The following DIP2C variants were observed in gnomAD, a reference collection of about 807,000 sequenced individuals.
The protein encoded by DIP2C is disco-interacting protein 2 homolog C.
In DIP2C, 33 loss-of-function variants were observed where a neutral mutation model predicts 192.4. The ratio of observed to expected loss-of-function variants is 0.17; its 90% confidence interval spans 0.13 to 0.23. The LOEUF (loss-of-function observed/expected upper bound fraction) is 0.23, where lower values mean the gene tolerates loss of function less well. DIP2C is among the 10% of genes least tolerant of loss of function. DIP2C has a pLI of 1.00. For missense variants in DIP2C, 1,537 were observed against 2,110.1 expected (o/e 0.73, Z 5.32); for synonymous variants, 979 against 864.1 (o/e 1.13, Z -2.33).
Position 359,624 on chromosome 10 carries a change from G to A in DIP2C, c.2795-1687C>T, listed in dbSNP as rs61836778. Among the ~76,000 whole-genome samples, 721 of 152,284 alleles carry A rather than the reference G, an allele frequency of 4.7e-3. 2 individuals are homozygous for A. The highest frequency in any genetic ancestry group is 7.9e-3 in the Non-Finnish European group (536 of 68,026). ...TAGCAAAAGAATTTGTCAGGCTCTG[G>A]AAGGAAGGGAGCTGCCCCGTGGTGG... On this transcript the variant is annotated intron_variant, in intron 22 of 36. Transcript: ENST00000280886.
intron 22 of DIP2C, among the ~76,000 whole-genome samples, chr10:360,578 G>A (rs1358201114): frequency 1.3e-5 from 2 of 152,162 alleles, no homozygotes; most frequent in Non-Finnish European, 2.9e-5. Context: ...AATCCCAAGT[G>A]GGAGGCAAGC....
intron 1 of DIP2C, among the ~76,000 whole-genome samples, chr10:487,734 C>T (rs1844131009): frequency 6.6e-6 from 1 of 151,962 alleles, no homozygotes; most frequent in Admixed American, 6.6e-5. Context: ...CTGGCCACCA[C>T]GCCCGGCTAA....
At chr10:330,888 T>C (rs1237931484) in intron 29 of DIP2C, among the ~76,000 whole-genome samples, 4 of 150,656 alleles carry the variant, frequency 2.7e-5, no homozygotes, top group Non-Finnish European at 5.9e-5. Flanking sequence ...TCTGGGTTCA[T>C]TATAACCTCT....
chr10:648,331 C>G (rs750893158), intron 1 of DIP2C, among the ~76,000 whole-genome samples: 1 of 151,788 alleles, frequency 6.6e-6, no homozygotes, highest in South Asian at 2.1e-4. Flanking sequence ...GAGTCCACGT[C>G]CACATTGGAT....
chr10:392,042 C>T (rs774358735), intron 10 of DIP2C, among the ~76,000 whole-genome samples: 52 of 152,172 alleles, frequency 3.4e-4, no homozygotes, highest in East Asian at 1.9e-4. Context: ...AAGATCTGGC[C>T]GCCGGGAGCT....
At chr10:670,183 CG>C (rs1160930349) in intron 1 of DIP2C, among the ~76,000 whole-genome samples, 1 of 152,112 alleles carries the variant, frequency 6.6e-6, no homozygotes, top group Non-Finnish European at 1.5e-5. Flanking sequence ...AACATGTACA[CG>C]TGTGTACATG....
At chr10:466,646 A>G (rs538959306) in intron 3 of DIP2C, among the ~76,000 whole-genome samples, 11 of 148,246 alleles carry the variant, frequency 7.4e-5, no homozygotes, top group Non-Finnish European at 1.7e-4. Context: ...CTCATCTGAC[A>G]AAGGGCTAAT....
chr10:422,394 C>T (rs907721780), intron 5 of DIP2C, among the ~76,000 whole-genome samples: 1 of 152,298 alleles, frequency 6.6e-6, no homozygotes, highest in South Asian at 2.1e-4. Flanking sequence ...AGAACCTACA[C>T]AAAGCAGTGT....
At chr10:470,744 G>T (rs1402776394) in intron 3 of DIP2C, among the ~76,000 whole-genome samples, 1 of 152,190 alleles carries the variant, frequency 6.6e-6, no homozygotes, top group Non-Finnish European at 1.5e-5. Flanking sequence ...TAAGATGGCC[G>T]GCCAAAGATG....
intron 33 of DIP2C, among the ~76,000 whole-genome samples, chr10:287,554 A>C (rs1589391101): frequency 6.6e-6 from 1 of 152,010 alleles, no homozygotes; most frequent in East Asian, 1.9e-4. Flanking sequence ...GTTGGAACCA[A>C]CTCTGTGAAG....
At chr10:417,660 T>A (rs11252303) in intron 6 of DIP2C, among the ~76,000 whole-genome samples, 929 of 11,484 alleles carry the variant, frequency 0.081, 43 homozygotes, top group African/African-American at 0.12. Flanking sequence ...GTCCACCTGT[T>A]CCTGTCAGGG....
At chr10:527,814 T>A (rs1847143990) in intron 1 of DIP2C, among the ~76,000 whole-genome samples, 2 of 152,206 alleles carry the variant, frequency 1.3e-5, no homozygotes, top group Non-Finnish European at 2.9e-5. Flanking sequence ...AAGAACCAGG[T>A]ACCGCTGAAT....
At chr10:628,463 T>G (rs534935809) in intron 1 of DIP2C, among the ~76,000 whole-genome samples, 2 of 152,260 alleles carry the variant, frequency 1.3e-5, no homozygotes, top group Non-Finnish European at 2.9e-5. Flanking sequence ...AGACCTCTGT[T>G]GGCAACGGGC....
chr10:424,382 T>TTTTTTTG (rs1388302720), intron 4 of DIP2C, among the ~76,000 whole-genome samples: 1 of 101,362 alleles, frequency 9.9e-6, no homozygotes, highest in Middle Eastern at 6.0e-3. Flanking sequence ...TTTTTTTTTT[T>TTTTTTTG]TGAGACAGAG....
At chr10:518,936 T>C (rs1178575699) in intron 1 of DIP2C, among the ~76,000 whole-genome samples, 1 of 152,232 alleles carries the variant, frequency 6.6e-6, no homozygotes, top group Non-Finnish European at 1.5e-5. Context: ...CTTTGCCCAC[T>C]TCCATGGTGG....
At chr10:579,888 C>T (rs1372610660) in intron 1 of DIP2C, among the ~76,000 whole-genome samples, 1 of 151,500 alleles carries the variant, frequency 6.6e-6, no homozygotes, top group Non-Finnish European at 1.5e-5. Context: ...CATGTACATG[C>T]ATCTAGCACA....
intron 1 of DIP2C, among the ~76,000 whole-genome samples, chr10:685,137 A>C (rs1257723359): frequency 1.1e-4 from 4 of 37,244 alleles, no homozygotes; most frequent in African/African-American, 4.6e-4. Flanking sequence ...TTGGTCCCCA[A>C]AAAAAAAAAA....
rs987703143 is a variant in DIP2C at position 284,026 on chromosome 10, T to A, written c.4120-580A>T. 3.3e-5 allele frequency among the ~76,000 whole-genome samples: 5 copies of A among 152,182 alleles called. No individual in the cohort carries two copies. The East Asian group carries it at 9.6e-4, about 29-fold the overall frequency. On this transcript the variant is annotated intron_variant, in intron 34 of 36. Coordinates refer to ENST00000280886, the MANE Select transcript of DIP2C (RefSeq NM_014974.3). Reference sequence around the variant, plus strand: ...TGAGTCAAAGCGATAGCCACGTGGGTTACGGAGAACCATGGACAGGGCTGG... The same window carrying A: ...TGAGTCAAAGCGATAGCCACGTGGGATACGGAGAACCATGGACAGGGCTGG...
intron 1 of DIP2C, among the ~76,000 whole-genome samples, chr10:529,049 C>T (rs745684322): frequency 2.0e-5 from 3 of 152,316 alleles, no homozygotes; most frequent in Admixed American, 6.5e-5. Flanking sequence ...ACGGCGCTGC[C>T]GGCATCTCCC....
Sources: gnomAD v4.1 joint callset for allele counts (sites outside exome capture counted in the v4.1 genomes callset) on GRCh38, gnomAD v4.1.1 for gene constraint, MANE v1.5 for transcripts, NCBI Gene and HGNC (gene_info 2026-07-23, HGNC 2026-07-21) for gene names.